RICTOR: variants seen among roughly 807,000 people sequenced by gnomAD.
The protein encoded by RICTOR is RPTOR independent companion of MTOR complex 2.
Under a neutral mutation model 214.9 loss-of-function variants are expected in RICTOR, and 49 were observed. That is an observed-to-expected ratio of 0.23 (90% CI 0.18 to 0.29). The LOEUF (loss-of-function observed/expected upper bound fraction) is 0.29. Among genes scored for constraint, RICTOR ranks in the 10% least tolerant of loss-of-function variants. RICTOR has a pLI of 1.00. For missense variants in RICTOR, 1,625 were observed against 2,047.0 expected, an observed-to-expected ratio of 0.79 and a Z score of 3.98; for synonymous variants, 717 against 711.3, an observed-to-expected ratio of 1.01 and a Z score of -0.13.
At position 38,999,114 on chromosome 5, in the gene RICTOR, G is replaced by A. The variant is rs369422103; in HGVS notation, c.393-2232C>T. 5.5e-5 allele frequency among the ~76,000 whole-genome samples: 8 copies of A among 146,438 alleles called. 1 individual carries two copies. Among genetic ancestry groups the A allele is most frequent in the Admixed American group, 1.4e-4 (2 of 14,664 alleles). Reference sequence around the variant, plus strand: ...AAGAATTCATGAGAGTCATTTACTAGCAGGATGAAAGGTTTTTAATAAACA... The same window carrying A: ...AAGAATTCATGAGAGTCATTTACTAACAGGATGAAAGGTTTTTAATAAACA... On this transcript the variant is annotated intron_variant, in intron 5 of 37. Coordinates refer to ENST00000357387, the MANE Select transcript of RICTOR (RefSeq NM_152756.5).
chr5:38,965,270 T>C (rs1284032635), intron 15 of RICTOR, among the ~76,000 whole-genome samples: 1 of 152,010 alleles, frequency 6.6e-6, no homozygotes, highest in Non-Finnish European at 1.5e-5. Flanking sequence ...CTAGATGCCA[T>C]ATCCAAATTT....
At position 39,070,301 on chromosome 5, in the gene RICTOR, T is replaced by C. The variant is rs1043678787; in HGVS notation, c.97+3810A>G. On this transcript the variant is annotated intron_variant, in intron 2 of 37. Transcript: ENST00000357387. ...TAACAAGGTGAAACCCCGTCTCTAC[T>C]AAAAAAAAATACAAAAAATTAGCCG... Among the ~76,000 whole-genome samples, 13 of 149,542 alleles carry C rather than the reference T, an allele frequency of 8.7e-5. No individual in the cohort carries two copies. The South Asian group carries it at 2.8e-3, about 32-fold the overall frequency.
At position 38,940,129 on chromosome 5, in the gene RICTOR, GT is replaced by G. The variant is rs1747385098; in HGVS notation, c.*2174del. ...TACATACATATTTTTCAAAGTAACA[GT>G]AAAAAAAAAAAACAAAAAAAAAAAC... is the stretch of plus-strand genomic sequence containing the variant. On this transcript the variant is annotated 3_prime_UTR_variant, in exon 38 of 38. Coordinates refer to ENST00000357387, the MANE Select transcript of RICTOR (RefSeq NM_152756.5). 7.4e-6 allele frequency: 1 copy of G among 134,552 alleles called. No homozygotes were observed. The highest frequency in any genetic ancestry group is 1.3e-5 in the Non-Finnish European group (1 of 74,352). The allele number at this position is 134,552 out of a possible 1,614,324, so 8.3% of individuals were successfully genotyped here. A position where few individuals can be genotyped will look rare whatever the true frequency, so the allele number is the denominator to read the frequency against.
At chr5:38,974,640 T>A (rs1188692916) in intron 10 of RICTOR, among the ~76,000 whole-genome samples, 1 of 151,940 alleles carries the variant, frequency 6.6e-6, no homozygotes, top group Admixed American at 6.6e-5. Context: ...TGTATGACTG[T>A]TGAGTCATCA....
chr5:38,953,632 T>C (rs1748985488), intron 27 of RICTOR, 79 bp from the exon 28 acceptor site: 1 of 454,236 alleles, frequency 2.2e-6, no homozygotes, highest in South Asian at 7.2e-5. Context: ...ATAAAACCAG[T>C]ATAACGTTTG....
chr5:39,060,347 A>G (rs1016878556), intron 2 of RICTOR, among the ~76,000 whole-genome samples: 3 of 152,082 alleles, frequency 2.0e-5, no homozygotes, highest in Non-Finnish European at 4.4e-5. Flanking sequence ...CCTATTTTAC[A>G]TATATTAGCG....
rs1486460712 is a variant in RICTOR at position 38,959,267 on chromosome 5, A to T, written c.2106T>A (p.Val702=). 1 of 1,600,350 alleles carries T rather than the reference A, an allele frequency of 6.2e-7. No homozygotes were observed. Among genetic ancestry groups the T allele is most frequent in the South Asian group, 1.1e-5 (1 of 88,246 alleles). The stretch of plus-strand genomic sequence containing the variant: ...CATCTCTGCTATAGTCCAAGCTAGA[A>T]ACAGTAAGTTTTAGCAAGTGATCTT... ...KNQDHLLKLT[V]SSLDYSRDGL... The change falls in exon 22 of 38, where the codon GTT becomes GTA. Residue 702 remains valine (V), a synonymous_variant. Coordinates refer to ENST00000357387, the MANE Select transcript of RICTOR (RefSeq NM_152756.5).
intron 8 of RICTOR, among the ~76,000 whole-genome samples, chr5:38,979,008 A>G (rs1751475364): frequency 6.6e-6 from 1 of 152,164 alleles, no homozygotes; most frequent in African/African-American, 2.4e-5. Flanking sequence ...TTCTGACACT[A>G]TGATTAGTTT....
At chr5:39,025,684 C>T (rs2150142493) in intron 2 of RICTOR, among the ~76,000 whole-genome samples, 1 of 152,298 alleles carries the variant, frequency 6.6e-6, no homozygotes, top group Middle Eastern at 3.4e-3. Context: ...TGTCTCCTCA[C>T]ATGGTGGGGA....
At position 38,942,955 on chromosome 5, in the gene RICTOR, G is replaced by A; in HGVS notation, c.4930C>T (p.Pro1644Ser). The A allele has an allele frequency of 6.2e-7, 1 of 1,604,654 alleles. No individual in the cohort carries two copies. The highest frequency in any genetic ancestry group is 8.5e-7 in the Non-Finnish European group (1 of 1,171,512). Residue 1644 changes from proline (P) to serine (S), a missense_variant, in exon 37 of 38, where the codon CCT (proline) becomes TCT (serine). Around this residue, in one of 5 missense-constraint regions of RICTOR, gnomAD observed 44 missense variants for 90.1 expected, o/e 0.49. Transcript: ENST00000357387. ...AGGCATATGTCATCAAATGTTTGAG[G>A]ATACTTCTCCTTAATTCTAAAATAA... ...TGLLTIKEKY[P>S]QTFDDICLYS...
At chr5:38,972,101 A>T (rs1750836686) in intron 10 of RICTOR, 142 bp from the exon 11 acceptor site, 1 of 530,450 alleles carries the variant, frequency 1.9e-6, no homozygotes, top group South Asian at 2.8e-5. Context: ...AAGAACTATT[A>T]TATAACTGAA....
rs1032784340 is a variant in RICTOR, at chr5:38,940,259, A to G, written c.*2045T>C. ...TGGGGGAGGGGGTGTGTGTGTGTGTAAGACAAAAAAAAAATTACTGTTAAC... is the reference window on the plus strand; with the variant it reads ...TGGGGGAGGGGGTGTGTGTGTGTGTGAGACAAAAAAAAAATTACTGTTAAC... On this transcript the variant is annotated 3_prime_UTR_variant, in exon 38 of 38. Transcript: ENST00000357387. The G allele has an allele frequency of 4.3e-6, 1 of 230,784 alleles. No individual in the cohort carries two copies. The highest frequency in any genetic ancestry group is 8.6e-6 in the Non-Finnish European group (1 of 116,516). The allele number at this position is 230,784 out of a possible 1,614,324, so 14.3% of individuals were successfully genotyped here.
At position 39,002,626 on chromosome 5, in the gene RICTOR, C is replaced by T. The variant is rs778788008; in HGVS notation, c.301G>A (p.Ala101Thr). 6.8e-6 allele frequency: 11 copies of T among 1,609,434 alleles called. No individual in the cohort carries two copies. The highest frequency in any genetic ancestry group is 3.3e-5 in the South Asian group (3 of 90,174). ...ALLNEAKEVR[A>T]AGLRALRYLI... ...TATCGAAGCGCTCGTAGCCCTGCTG[C>T]TCGCACTTCTTTTGCTTCATTTAAT... Residue 101 changes from alanine to threonine, a missense_variant, in exon 5 of 38, where the codon GCA becomes ACA. By Grantham distance (58) the Ala-to-Thr change is moderately conservative. This residue lies in a region of RICTOR where 258 missense variants were observed against 393.7 expected (regional missense o/e 0.66). Transcript: ENST00000357387.
chr5:38,981,630 T>G, intron 8 of RICTOR: 1 of 366,894 alleles, frequency 2.7e-6, no homozygotes, highest in East Asian at 4.6e-5. Context: ...GTTCATAAAC[T>G]TTTCATAGAT....
chr5:39,066,745 C>T (rs753924249), intron 2 of RICTOR, among the ~76,000 whole-genome samples: 4 of 152,220 alleles, frequency 2.6e-5, no homozygotes, highest in Non-Finnish European at 4.4e-5. Context: ...TACCAGAGGT[C>T]ATCACTCTCA....
intron 31 of RICTOR, among the ~76,000 whole-genome samples, chr5:38,948,795 A>C (rs963721315): frequency 6.6e-6 from 1 of 152,052 alleles, no homozygotes; most frequent in Non-Finnish European, 1.5e-5. Flanking sequence ...AAGGGTACAC[A>C]ATTCATTGTC....
In RICTOR at chr5:38,958,535, A is replaced by C; in HGVS notation, c.2344-16T>G. On this transcript the variant is annotated splice_polypyrimidine_tract_variant and intron_variant, in intron 23 of 37. Transcript: ENST00000357387. Reference sequence around the variant, plus strand: ...GAAGATTGGCCTAAAAGAGATTATCATTATTTTTTTATAATTGCACAAAAA... The same window carrying C: ...GAAGATTGGCCTAAAAGAGATTATCCTTATTTTTTTATAATTGCACAAAAA... 6.3e-7 allele frequency: 1 copy of C among 1,597,342 alleles called. No homozygotes were observed. Among genetic ancestry groups the C allele is most frequent in the South Asian group, 1.1e-5 (1 of 88,080 alleles).
In RICTOR at chr5:38,950,421, G is replaced by T. The variant is rs1468351846; in HGVS notation, c.3427C>A (p.His1143Asn). The change falls in exon 31 of 38, where the codon CAT (histidine) becomes AAT (asparagine). Residue 1143 changes from histidine to asparagine, a missense_variant. Physicochemically the swap from His to Asn is moderately conservative, Grantham distance 68. Transcript: ENST00000357387. ...GATATGGGTGTAAAATCATCACTAT[G>T]ATTAAAATCAACACTGGGCTCCGTA... is the stretch of plus-strand genomic sequence containing the variant. ...TLTEPSVDFN[H>N]SDDFTPISTV... 6.2e-7 allele frequency: 1 copy of T among 1,613,486 alleles called. No individual in the cohort carries two copies. Among genetic ancestry groups the T allele is most frequent in the Non-Finnish European group, 8.5e-7 (1 of 1,179,610 alleles).
Position 38,990,624 on chromosome 5 carries a change from GAT to G in RICTOR, c.583+323_583+324del, listed in dbSNP as rs529150478. On this transcript the variant is annotated intron_variant, in intron 7 of 37. Coordinates refer to ENST00000357387, the MANE Select transcript of RICTOR (RefSeq NM_152756.5). The stretch of plus-strand genomic sequence containing the variant: ...TATATATGATATATATACGATATAT[GAT>G]ATATATATCTGACATATATCAGATA... 4.8e-4 allele frequency among the ~76,000 whole-genome samples: 37 copies of G among 77,432 alleles called. 3 individuals carry two copies. The highest frequency in any genetic ancestry group is 1.5e-3 in the African/African-American group (30 of 19,970). 50.8% of individuals were successfully genotyped at this position (77,432 alleles called of 152,430 possible).
Sources: gnomAD v4.1 joint callset for allele counts (sites outside exome capture counted in the v4.1 genomes callset) on GRCh38, gnomAD v4.1.1 for gene constraint, gnomAD v4.1.1 regional missense constraint, MANE v1.5 for transcripts, NCBI Gene and HGNC (gene_info 2026-07-23, HGNC 2026-07-21) for gene names.